The following NUP205 variants were observed in gnomAD, a reference collection of about 807,000 sequenced individuals.
NUP205 encodes nucleoporin 205.
NUP205 carries 76 observed loss-of-function variants against 253.8 expected under a neutral mutation model. The observed-to-expected ratio is 0.30, with a 90% CI of 0.25 to 0.36. NUP205 has a LOEUF of 0.36. Ranked by LOEUF, NUP205 falls within the 10% of genes least tolerant of loss-of-function variation. The pLI is 1.00. For missense variants in NUP205, 2,162 were observed against 2,425.5 expected, an observed-to-expected ratio of 0.89 and a Z score of 2.28; for synonymous variants, 832 against 850.1, an observed-to-expected ratio of 0.98 and a Z score of 0.37.
chr7:135,644,955 C>T lies in NUP205; in HGVS notation c.5620C>T (p.Leu1874=). ...AATCTCCACTGCTCAGAAATATGTT[C>T]TAGCAAGACGGCGCTTGGTGAAGGT... ...DKISTAQKYV[L]ARRRLVKVIN... Residue 1874 remains leucine, a synonymous_variant, in exon 40 of 43, where the codon CTA becomes TTA. Coordinates refer to ENST00000285968, the MANE Select transcript of NUP205 (RefSeq NM_015135.3). 2 of 1,614,062 alleles carry T rather than the reference C, an allele frequency of 1.2e-6. No homozygotes were observed. The highest frequency in any genetic ancestry group is 1.1e-5 in the South Asian group (1 of 91,072).
At position 135,557,950 on chromosome 7, in the gene NUP205, G is replaced by C. The variant is rs762375284; in HGVS notation, c.6G>C (p.Ala2=). 26 of 1,613,694 alleles carry C rather than the reference G, an allele frequency of 1.6e-5. No individual in the cohort carries two copies. The East Asian group carries it at 5.3e-4, about 33-fold the overall frequency. Residue 2 remains alanine, a synonymous_variant, in exon 1 of 43, where the codon GCG becomes GCC. Transcript: ENST00000285968. Reference sequence around the variant, plus strand: ...TCTGTTAGTGCGCCTCTAAGATGGCGACGCCTTTGGCGGTAAATTCGGGTA... The same window carrying C: ...TCTGTTAGTGCGCCTCTAAGATGGCCACGCCTTTGGCGGTAAATTCGGGTA... M[A]TPLAVNSAAS... is the part of the protein sequence containing the mutation.
At chr7:135,590,708 T>C (rs939328301) in intron 10 of NUP205, among the ~76,000 whole-genome samples, 1 of 151,874 alleles carries the variant, frequency 6.6e-6, no homozygotes, top group African/African-American at 2.4e-5. Context: ...AATTTTTGTA[T>C]TTTTAGTAGA....
chr7:135,594,552 A>C lies in NUP205; in HGVS notation c.1836A>C (p.Glu612Asp). ...QLTSTIITWS[E>D]NARLALCEHP... ...CTTTTTGTGTCAATTCTTAGAGTGA[A>C]AATGCTCGCTTGGCACTCTGTGAAC... The change falls in exon 13 of 43, where the codon GAA becomes GAC. Residue 612 changes from glutamate to aspartate, a missense_variant. Glu to Asp is a conservative substitution (Grantham distance 45). Transcript: ENST00000285968. 1 of 1,580,114 alleles carries C rather than the reference A, an allele frequency of 6.3e-7. No individual in the cohort carries two copies. The highest frequency in any genetic ancestry group is 1.2e-5 in the South Asian group (1 of 85,052).
In NUP205 at chr7:135,637,974, G is replaced by A; in HGVS notation, c.5180G>A (p.Arg1727Lys). ...GLLSRFGGSD[R>K]LRQFKFQDDN... ...CTAAGTCGCTTTGGTGGCTCTGACAGACTGCGTCAGTTTAAATTTCAAGAC... is the reference window on the plus strand; with the variant it reads ...CTAAGTCGCTTTGGTGGCTCTGACAAACTGCGTCAGTTTAAATTTCAAGAC... Residue 1727 changes from arginine to lysine, a missense_variant, in exon 37 of 43, where the codon AGA becomes AAA. Arg to Lys is a conservative substitution (Grantham distance 26, BLOSUM62 2). Coordinates refer to ENST00000285968, the MANE Select transcript of NUP205 (RefSeq NM_015135.3). 6.2e-7 allele frequency: 1 copy of A among 1,614,044 alleles called. No individual in the cohort carries two copies. Among genetic ancestry groups the A allele is most frequent in the Non-Finnish European group, 8.5e-7 (1 of 1,179,918 alleles).
intron 39 of NUP205, among the ~76,000 whole-genome samples, chr7:135,644,407 C>T (rs896671475): frequency 1.3e-5 from 2 of 152,210 alleles, no homozygotes; most frequent in Non-Finnish European, 2.9e-5. Context: ...TGGAACCCAG[C>T]ATCAGAACAT....
At chr7:135,560,089 A>G (rs1805544260) in intron 1 of NUP205, among the ~76,000 whole-genome samples, 1 of 151,644 alleles carries the variant, frequency 6.6e-6, no homozygotes, top group African/African-American at 2.4e-5. Flanking sequence ...CGAGCTCCTG[A>G]CCCCGTGATT....
chr7:135,585,095 C>A, intron 8 of NUP205, 88 bp downstream of exon 8: 1 of 1,177,330 alleles, frequency 8.5e-7, no homozygotes, highest in Non-Finnish European at 1.2e-6. Flanking sequence ...GTTTTGGAAA[C>A]TAATAAAAAT....
intron 1 of NUP205, 21 bp from the exon 2 acceptor site, chr7:135,571,084 T>G (rs1415583133): frequency 6.5e-7 from 1 of 1,532,984 alleles, no homozygotes; most frequent in African/African-American, 1.4e-5. Context: ...TGACGGTGGT[T>G]TCATTTATTT....
At chr7:135,645,438 T>C (rs770716305) in intron 40 of NUP205, 30 bp from the exon 41 acceptor site, 2 of 1,606,354 alleles carry the variant, frequency 1.2e-6, no homozygotes, top group South Asian at 1.1e-5. Context: ...TTGATGAGAT[T>C]ATGTTCCTTT....
At chr7:135,601,240 T>C (rs1793959410) in intron 16 of NUP205, 130 bp from the exon 17 acceptor site, 1 of 818,990 alleles carries the variant, frequency 1.2e-6, no homozygotes, top group Admixed American at 2.7e-5. Context: ...CTGCTGTGTC[T>C]CTAAATTGAA....
intron 12 of NUP205, 22 bp downstream of exon 12, chr7:135,593,214 T>A: frequency 6.2e-7 from 1 of 1,601,770 alleles, no homozygotes. Flanking sequence ...ATCCCCAGCA[T>A]AATTTTATTT....
At chr7:135,573,879 A>G in intron 3 of NUP205, 54 bp downstream of exon 3, 2 of 1,365,296 alleles carry the variant, frequency 1.5e-6, no homozygotes, top group Non-Finnish European at 1.0e-6. Context: ...TTATAAAATC[A>G]CTCATAGTTT....
At chr7:135,643,400 T>A (rs1794950821) in intron 39 of NUP205, 42 bp downstream of exon 39, 2 of 1,558,718 alleles carry the variant, frequency 1.3e-6, no homozygotes, top group Non-Finnish European at 1.8e-6. Flanking sequence ...GAGAAATCAT[T>A]GCTGTTACTA....
At chr7:135,560,567 A>G (rs1805556000) in intron 1 of NUP205, among the ~76,000 whole-genome samples, 2 of 152,262 alleles carry the variant, frequency 1.3e-5, no homozygotes. Flanking sequence ...TGTGTCATAT[A>G]CATGCAATAT....
chr7:135,580,996 G>A (rs1489001777), intron 7 of NUP205, among the ~76,000 whole-genome samples: 1 of 151,994 alleles, frequency 6.6e-6, no homozygotes, highest in Non-Finnish European at 1.5e-5. Flanking sequence ...GATTTTATAT[G>A]CTCATATCCT....
chr7:135,589,812 G>A (rs1390404901), intron 10 of NUP205, among the ~76,000 whole-genome samples: 2 of 150,862 alleles, frequency 1.3e-5, no homozygotes. Context: ...GCGTACCTAT[G>A]GCCCCATTTG....
chr7:135,612,575 A>G (rs569684472), intron 22 of NUP205, among the ~76,000 whole-genome samples: 7 of 152,334 alleles, frequency 4.6e-5, no homozygotes, highest in African/African-American at 2.4e-5. Context: ...TAAATAGACC[A>G]TTTAAAGAAC....
chr7:135,641,558 C>A (rs1472126476), intron 38 of NUP205, among the ~76,000 whole-genome samples: 1 of 151,538 alleles, frequency 6.6e-6, no homozygotes, highest in East Asian at 2.0e-4. Flanking sequence ...TGCTTGAGCC[C>A]AGAAGGTAGA....
intron 33 of NUP205, among the ~76,000 whole-genome samples, chr7:135,626,678 C>T (rs895892497): frequency 1.4e-4 from 22 of 152,008 alleles, no homozygotes; most frequent in African/African-American, 4.8e-4. Context: ...ATTTCCTGTT[C>T]CGGATGATTT....
Sources: allele counts gnomAD v4.1 joint callset (sites outside exome capture counted in the v4.1 genomes callset), GRCh38; gene constraint gnomAD v4.1.1; transcripts MANE v1.5; gene names NCBI Gene and HGNC (gene_info 2026-07-23, HGNC 2026-07-21).